Variants in ALDH1L2 observed in about 807,000 individuals in gnomAD.
The protein encoded by ALDH1L2 is aldehyde dehydrogenase 1 family member L2.
ALDH1L2 carries 91 observed loss-of-function variants against 111.0 expected under a neutral mutation model. That is an observed-to-expected ratio of 0.82 (90% confidence interval 0.69 to 0.98). ALDH1L2 has a LOEUF of 0.98. ALDH1L2 is among the 50% of genes least tolerant of loss of function. The pLI is 0.00. For missense variants in ALDH1L2, 995 were observed against 1,126.8 expected, an observed-to-expected ratio of 0.88 and a Z score of 1.67; for synonymous variants, 374 against 392.6, an observed-to-expected ratio of 0.95 and a Z score of 0.56.
In ALDH1L2 at chr12:105,042,900, A is replaced by G. The variant is rs184545194; in HGVS notation, c.1864-2206T>C. Among the ~76,000 whole-genome samples, 96 of 152,320 alleles carry G rather than the reference A, an allele frequency of 6.3e-4. 1 individual carries two copies. The highest frequency in any genetic ancestry group is 2.2e-3 in the African/African-American group (92 of 41,578). On this transcript the variant is annotated intron_variant, in intron 15 of 22. Coordinates refer to ENST00000258494, the MANE Select transcript of ALDH1L2 (RefSeq NM_001034173.4). ...ATGAAAGCAATACCTTCACACTCTT[A>G]AAAACCAACGTCCATTCAGTCTTAA...
At position 105,030,348 on chromosome 12, in the gene ALDH1L2, A is replaced by G. The variant is rs745788395; in HGVS notation, c.2492T>C (p.Met831Thr). 30 of 1,612,508 alleles carry G rather than the reference A, an allele frequency of 1.9e-5. No individual in the cohort carries two copies. In the South Asian group the frequency reaches 1.9e-4, roughly 10 times the overall value. ...CCCATTTTGGAATTTAGAAATGACC[A>G]TAATAGGCCCAAAGGATTCCTCTTT... ...LAKEESFGPI[M>T]VISKFQNGDI... Residue 831 changes from methionine to threonine, a missense_variant, in exon 21 of 23, where the codon ATG becomes ACG. Physicochemically the swap from Met to Thr is moderately conservative, Grantham distance 81 (BLOSUM62 -1). Transcript: ENST00000258494.
At chr12:105,056,179 A>G (rs7311981) in intron 10 of ALDH1L2, among the ~76,000 whole-genome samples, 3,484 of 152,286 alleles carry the variant, frequency 0.023, 63 homozygotes, top group Non-Finnish European at 0.033. Context: ...GAAGGAACTC[A>G]TCATACAAAA....
At position 105,078,071 on chromosome 12, in the gene ALDH1L2, G is replaced by A. The variant is rs192406929; in HGVS notation, c.49-4066C>T. On this transcript the variant is annotated intron_variant, in intron 1 of 22. Transcript: ENST00000258494. Reference sequence around the variant, plus strand: ...TTTCAGGCTTTGCCACACTCTGGGCGTAGTGCATGGTAGAGGTGGCACATT... The same window carrying A: ...TTTCAGGCTTTGCCACACTCTGGGCATAGTGCATGGTAGAGGTGGCACATT... Among the ~76,000 whole-genome samples, 594 of 149,454 alleles carry A rather than the reference G, an allele frequency of 4.0e-3. 9 individuals are homozygous for A. The highest frequency in any genetic ancestry group is 0.014 in the African/African-American group (549 of 39,938).
In ALDH1L2 at chr12:105,062,999, T is replaced by C; in HGVS notation, c.810A>G (p.Thr270=). The change falls in exon 7 of 23, where the codon ACA becomes ACG. Residue 270 remains threonine, a synonymous_variant. Transcript: ENST00000258494. ...CAGGAGGCACAGAGCTATTCAGTAA[T>C]GTCGAGCCATAGAAAGTGACCATCT... ...NGQMVTFYGS[T]LLNSSVPPGE... The C allele has an allele frequency of 6.8e-6, 11 of 1,613,470 alleles. No homozygotes were observed. Among genetic ancestry groups the C allele is most frequent in the South Asian group, 1.1e-5 (1 of 90,912 alleles).
rs761934550 is a variant in ALDH1L2 at position 105,061,067 on chromosome 12, G to C, written c.1053C>G (p.Ile351Met). The C allele has an allele frequency of 6.2e-7, 1 of 1,613,460 alleles. No homozygotes were observed. The highest frequency in any genetic ancestry group is 8.5e-7 in the Non-Finnish European group (1 of 1,179,482). Residue 351 changes from isoleucine (I) to methionine (M), a missense_variant, in exon 9 of 23, where the codon ATC (isoleucine) becomes ATG (methionine). By Grantham distance (10) the Ile-to-Met change is conservative. Transcript: ENST00000258494. The part of the protein sequence containing the change: ...EVKVAETIKV[I>M]WAGILSNVPI... ...GGACATTGCTTAAAATTCCAGCCCAGATGACCTACACAAAAAGGAAACTCT... is the reference window on the plus strand; with the variant it reads ...GGACATTGCTTAAAATTCCAGCCCACATGACCTACACAAAAAGGAAACTCT...
rs1159145670 is a variant in ALDH1L2, at chr12:105,035,839, ATGTGTGTG to A, written c.2146-1449_2146-1442del. The stretch of plus-strand genomic sequence containing the variant: ...ATATAGTGTGTCTATATATATATAT[ATGTGTGTG>A]TGTGTGTGTGTGTGTGTGTATACAC... On this transcript the variant is annotated intron_variant, in intron 18 of 22. Transcript: ENST00000258494. 6.3e-4 allele frequency among the ~76,000 whole-genome samples: 63 copies of A among 100,208 alleles called. 13 individuals are homozygous for A. The highest frequency in any genetic ancestry group is 3.5e-3 in the African/African-American group (58 of 16,406). The allele number at this position is 100,208 out of a possible 152,430, so 65.7% of individuals were successfully genotyped here.
At chr12:105,058,032 A>G in intron 10 of ALDH1L2, 41 bp downstream of exon 10, 1 of 1,592,686 alleles carries the variant, frequency 6.3e-7, no homozygotes, top group Non-Finnish European at 8.5e-7. Flanking sequence ...TAGTGTATGG[A>G]TCTCACTGAT....
At position 105,038,132 on chromosome 12, in the gene ALDH1L2, C is replaced by T. The variant is rs2136058191; in HGVS notation, c.2116G>A (p.Asp706Asn). Residue 706 changes from aspartate to asparagine, a missense_variant, in exon 18 of 23, where the codon GAC becomes AAC. Physicochemically the swap from Asp to Asn is conservative, Grantham distance 23 (BLOSUM62 1). Coordinates refer to ENST00000258494, the MANE Select transcript of ALDH1L2 (RefSeq NM_001034173.4). ...GGKSPLIIFN[D>N]CELDKAVRMG... The stretch of plus-strand genomic sequence containing the variant: ...CGCACAGCCTTGTCAAGTTCACAGT[C>T]ATTAAATATTATAAGTGGAGACTTG... 6.2e-7 allele frequency: 1 copy of T among 1,613,688 alleles called. No homozygotes were observed. Among genetic ancestry groups the T allele is most frequent in the Non-Finnish European group, 8.5e-7 (1 of 1,179,766 alleles).
intron 19 of ALDH1L2, among the ~76,000 whole-genome samples, chr12:105,033,952 T>A (rs1031994129): frequency 1.3e-5 from 2 of 152,148 alleles, no homozygotes; most frequent in Non-Finnish European, 2.9e-5. Flanking sequence ...AACCTCTAAC[T>A]TTTTTACTAT....
intron 11 of ALDH1L2, 54 bp from the exon 12 acceptor site, chr12:105,052,271 T>C (rs1034932009): frequency 6.1e-6 from 9 of 1,478,980 alleles, no homozygotes; most frequent in Non-Finnish European, 8.1e-6. Flanking sequence ...AATATGGTTC[T>C]TGGAATTAAT....
At chr12:105,059,618 A>G (rs140528490) in intron 9 of ALDH1L2, among the ~76,000 whole-genome samples, 5 of 152,296 alleles carry the variant, frequency 3.3e-5, no homozygotes, top group Non-Finnish European at 7.4e-5. Context: ...TGAAAACACT[A>G]TGTGCTCTTG....
At chr12:105,049,886 A>G (rs1876142488) in intron 13 of ALDH1L2, 22 bp downstream of exon 13, 1 of 1,594,194 alleles carries the variant, frequency 6.3e-7, no homozygotes, top group South Asian at 1.1e-5. Flanking sequence ...TTTCTTTCAG[A>G]ACAAATAATA....
Position 105,068,834 on chromosome 12 carries a change from TC to T in ALDH1L2, c.478del (p.Asp160MetfsTer40), listed in dbSNP as rs1395863928. The T allele has an allele frequency of 6.2e-7, 1 of 1,603,400 alleles. No homozygotes were observed. The highest frequency in any genetic ancestry group is 8.5e-7 in the Non-Finnish European group (1 of 1,175,866). ...KKAGFSVFWA[D>X]DGLDTGPILL... ...GATGGGTCCTGTATCCAAGCCATCATCAGCCCAGAAAACAGAAAACCCAGCT... is the reference window on the plus strand; with the variant it reads ...GATGGGTCCTGTATCCAAGCCATCATAGCCCAGAAAACAGAAAACCCAGCT... On this transcript the variant is annotated frameshift_variant, in exon 4 of 23. Coordinates refer to ENST00000258494, the MANE Select transcript of ALDH1L2 (RefSeq NM_001034173.4). LOFTEE classifies it high-confidence loss of function.
At chr12:105,082,073 A>G (rs1397586466) in intron 1 of ALDH1L2, among the ~76,000 whole-genome samples, 2 of 152,160 alleles carry the variant, frequency 1.3e-5, no homozygotes, top group Non-Finnish European at 2.9e-5. Context: ...GCATGTCTGT[A>G]ATCCCAGCTA....
At chr12:105,029,024 A>T (rs1382957285) in intron 21 of ALDH1L2, among the ~76,000 whole-genome samples, 2 of 138,226 alleles carry the variant, frequency 1.4e-5, no homozygotes, top group African/African-American at 2.7e-5. Flanking sequence ...ATCTGCTTAA[A>T]TTTTTTTTTT....
At chr12:105,075,167 A>G (rs1437744813) in intron 1 of ALDH1L2, among the ~76,000 whole-genome samples, 1 of 152,256 alleles carries the variant, frequency 6.6e-6, no homozygotes, top group Non-Finnish European at 1.5e-5. Flanking sequence ...CTAAAATACT[A>G]CTTTTCAAAC....
intron 16 of ALDH1L2, 44 bp from the exon 17 acceptor site, chr12:105,039,850 G>T: frequency 1.3e-6 from 2 of 1,575,254 alleles, no homozygotes; most frequent in South Asian, 2.2e-5. Context: ...CATACTCAAG[G>T]CCGGGCGCGG....
intron 10 of ALDH1L2, among the ~76,000 whole-genome samples, chr12:105,056,000 T>G (rs1401173312): frequency 6.6e-6 from 1 of 152,036 alleles, no homozygotes; most frequent in Non-Finnish European, 1.5e-5. Flanking sequence ...GAAGAAAGAA[T>G]AGCTGAAAAT....
intron 17 of ALDH1L2, among the ~76,000 whole-genome samples, chr12:105,039,241 A>G (rs4964315): frequency 0.32 from 48,257 of 152,042 alleles, 8,316 homozygotes; most frequent in South Asian, 0.51. Flanking sequence ...CTCTATGAAC[A>G]TGACTGCACA....
Sources: gnomAD v4.1 joint callset for allele counts (sites outside exome capture counted in the v4.1 genomes callset) on GRCh38, gnomAD v4.1.1 for gene constraint, MANE v1.5 for transcripts, NCBI Gene and HGNC (gene_info 2026-07-23, HGNC 2026-07-21) for gene names.